ADARB2: variants seen among roughly 807,000 people sequenced by gnomAD.
ADARB2 encodes inactive double-stranded RNA-specific editase B2.
Under a neutral mutation model 62.2 loss-of-function variants are expected in ADARB2, and 25 were observed. The observed-to-expected ratio is 0.40, with a 90% CI of 0.29 to 0.56. ADARB2 has a LOEUF of 0.56. Ranked by LOEUF, ADARB2 falls within the 20% of genes least tolerant of loss-of-function variation. The pLI, the probability that ADARB2 is intolerant of heterozygous loss-of-function variation, is 0.43. For synonymous variants in ADARB2, 572 were observed against 500.8 expected (o/e 1.14, Z -1.90); for missense variants, 1,071 against 1,077.4 (o/e 0.99, Z 0.08).
chr10:1,271,257 C>T (rs1284702161), intron 3 of ADARB2, among the ~76,000 whole-genome samples, 188 bp from the exon 4 acceptor site: 3 of 152,218 alleles, frequency 2.0e-5, no homozygotes, highest in South Asian at 2.1e-4. Flanking sequence ...GCCCCCAAAA[C>T]TCAGAATCAT....
intron 1 of ADARB2, among the ~76,000 whole-genome samples, chr10:1,599,538 A>C (rs931732548): frequency 6.6e-5 from 10 of 152,086 alleles, no homozygotes; most frequent in African/African-American, 2.4e-4. Context: ...GTAGTCCTGA[A>C]GAGCCGTTAA....
chr10:1,471,451 C>T (rs570799741), intron 1 of ADARB2, among the ~76,000 whole-genome samples: 9 of 152,018 alleles, frequency 5.9e-5, no homozygotes, highest in African/African-American at 1.4e-4. Context: ...AGTGCAATGG[C>T]GAGGTCTCGG....
intron 6 of ADARB2, among the ~76,000 whole-genome samples, chr10:1,225,792 A>T (rs1830739936): frequency 6.6e-6 from 1 of 151,864 alleles, no homozygotes; most frequent in Non-Finnish European, 1.5e-5. Context: ...TGTTAGTCTG[A>T]TGGGGTCCCT....
At chr10:1,730,237 G>C (rs183025023) in intron 1 of ADARB2, among the ~76,000 whole-genome samples, 1 of 152,312 alleles carries the variant, frequency 6.6e-6, no homozygotes, top group Non-Finnish European at 1.5e-5. Context: ...CCGTTAAAAA[G>C]ACGTGCAGTG....
intron 1 of ADARB2, among the ~76,000 whole-genome samples, chr10:1,638,643 G>A (rs1833942680): frequency 6.6e-6 from 1 of 152,190 alleles, no homozygotes; most frequent in Non-Finnish European, 1.5e-5. Context: ...AGCCGATGAG[G>A]CAGATAATTT....
chr10:1,654,742 C>G (rs1366669762), intron 1 of ADARB2, among the ~76,000 whole-genome samples: 1 of 152,224 alleles, frequency 6.6e-6, no homozygotes, highest in Non-Finnish European at 1.5e-5. Context: ...TTGGTAATGG[C>G]AGCAATGTCG....
chr10:1,220,086 GGTA>G (rs1419412605), intron 6 of ADARB2, among the ~76,000 whole-genome samples: 1 of 149,078 alleles, frequency 6.7e-6, no homozygotes. Context: ...TGATGATGGT[GGTA>G]ATGGTGATGG....
intron 2 of ADARB2, among the ~76,000 whole-genome samples, chr10:1,374,916 C>G (rs1832409058): frequency 6.6e-6 from 1 of 151,650 alleles, no homozygotes; most frequent in African/African-American, 2.4e-5. Flanking sequence ...AGGCAGGTGC[C>G]TGGGTTCTCC....
chr10:1,656,225 T>C (rs926317831), intron 1 of ADARB2, among the ~76,000 whole-genome samples: 1 of 152,256 alleles, frequency 6.6e-6, no homozygotes, highest in Admixed American at 6.5e-5. Context: ...CCCTGGAAAG[T>C]AACTTTGAAA....
At chr10:1,436,349 TAAAG>T (rs1046536425) in intron 1 of ADARB2, among the ~76,000 whole-genome samples, 3 of 152,228 alleles carry the variant, frequency 2.0e-5, no homozygotes, top group African/African-American at 7.2e-5. Context: ...CTTTTTGTTT[TAAAG>T]AAAGTCTTCA....
chr10:1,292,880 T>C (rs969716675), intron 3 of ADARB2: 2 of 150,226 alleles, frequency 1.3e-5, no homozygotes, highest in African/African-American at 5.0e-5. Flanking sequence ...TTCTGGTTTC[T>C]TGTCAGTAAC....
chr10:1,242,174 C>T lies in ADARB2; in HGVS notation c.1318G>A (p.Ala440Thr). 6.2e-7 allele frequency: 1 copy of T among 1,610,714 alleles called. No individual in the cohort carries two copies. Among genetic ancestry groups the T allele is most frequent in the South Asian group, 1.1e-5 (1 of 90,926 alleles). ...DCHAEVVARR[A>T]FLHFLYTQLE... ...TGCGTGTAGAGGAAGTGCAGGAACGCCCGCCGGGCCACGACCTCCGCGTGG... is the reference window on the plus strand; with the variant it reads ...TGCGTGTAGAGGAAGTGCAGGAACGTCCGCCGGGCCACGACCTCCGCGTGG... The change falls in exon 5 of 10, where the codon GCG (alanine) becomes ACG (threonine). Residue 440 changes from alanine to threonine, a missense_variant. Ala to Thr is a moderately conservative substitution (Grantham distance 58). Coordinates refer to ENST00000381312, the MANE Select transcript of ADARB2 (RefSeq NM_018702.4).
In ADARB2 at chr10:1,182,813, C is replaced by G. The variant is rs1048082987; in HGVS notation, c.*380G>C. 1 of 182,976 alleles carries G rather than the reference C, an allele frequency of 5.5e-6. No homozygotes were observed. Among genetic ancestry groups the G allele is most frequent in the Non-Finnish European group, 1.1e-5 (1 of 88,136 alleles). The allele number at this position is 182,976 out of a possible 1,614,324, so 11.3% of individuals were successfully genotyped here. ...GTGAGACCCCAGCATCACCAAGAGG[C>G]GCACGCAGGGGTGGGGTGCAGGGAC... On this transcript the variant is annotated 3_prime_UTR_variant, in exon 10 of 10. Transcript: ENST00000381312.
intron 7 of ADARB2, among the ~76,000 whole-genome samples, chr10:1,204,952 T>G (rs1239574138): frequency 2.6e-5 from 4 of 152,224 alleles, no homozygotes; most frequent in African/African-American, 9.7e-5. Context: ...AACGTGACTG[T>G]GACATCCACA....
At chr10:1,730,632 C>A (rs4880536) in intron 1 of ADARB2, among the ~76,000 whole-genome samples, 143,467 of 152,200 alleles carry the variant, frequency 0.94, 68,170 homozygotes, top group East Asian at 1. Flanking sequence ...TTTATATCAT[C>A]TTTCTCTTCG....
At chr10:1,510,096 TTTTCTTTCTTTCTCTC>T (rs1831906860) in intron 1 of ADARB2, among the ~76,000 whole-genome samples, 5 of 124,832 alleles carry the variant, frequency 4.0e-5, no homozygotes, top group East Asian at 4.7e-4. Flanking sequence ...TCTCTCTCTC[TTTTCTTTCTTTCTCTC>T]TTTCTTTCTT....
intron 1 of ADARB2, among the ~76,000 whole-genome samples, chr10:1,440,389 G>T (rs1347731813): frequency 6.6e-6 from 1 of 150,584 alleles, no homozygotes; most frequent in African/African-American, 2.4e-5. Context: ...TATATCTCCA[G>T]TCCTTAATAT....
At chr10:1,513,358 C>T (rs74121029) in intron 1 of ADARB2, among the ~76,000 whole-genome samples, 2,347 of 152,256 alleles carry the variant, frequency 0.015, 52 homozygotes, top group African/African-American at 0.053. Flanking sequence ...ACGGGATGAC[C>T]GCCACCATCA....
chr10:1,394,654 A>T (rs1394427253), intron 1 of ADARB2, among the ~76,000 whole-genome samples: 1 of 152,212 alleles, frequency 6.6e-6, no homozygotes, highest in Middle Eastern at 3.2e-3. Flanking sequence ...CACGAGCCAC[A>T]GAGGAGCAAG....
Sources: gnomAD v4.1 joint callset for allele counts (sites outside exome capture counted in the v4.1 genomes callset) on GRCh38, gnomAD v4.1.1 for gene constraint, MANE v1.5 for transcripts, NCBI Gene and HGNC (gene_info 2026-07-23, HGNC 2026-07-21) for gene names.